Variants in FAM13A observed in about 807,000 individuals in gnomAD.
FAM13A encodes the protein protein FAM13A.
In FAM13A, 76 loss-of-function variants were observed where a neutral mutation model predicts 129.6. That is an observed-to-expected ratio of 0.59 (90% confidence interval 0.49 to 0.71). The LOEUF (loss-of-function observed/expected upper bound fraction) is 0.71. FAM13A is among the 30% of genes least tolerant of loss of function. FAM13A has a pLI of 0.00. For synonymous variants in FAM13A, 443 were observed against 449.9 expected, an observed-to-expected ratio of 0.98 and a Z score of 0.20; for missense variants, 1,108 against 1,249.3, an observed-to-expected ratio of 0.89 and a Z score of 1.70.
intron 3 of FAM13A, among the ~76,000 whole-genome samples, chr4:89,008,454 C>T (rs1419602828): frequency 6.6e-6 from 1 of 152,160 alleles, no homozygotes; most frequent in East Asian, 1.9e-4. Context: ...TCACCAGAAA[C>T]TACTTCCAGC....
intron 4 of FAM13A, among the ~76,000 whole-genome samples, chr4:88,978,156 T>A (rs2148975165): frequency 6.6e-6 from 1 of 152,358 alleles, no homozygotes; most frequent in African/African-American, 2.4e-5. Flanking sequence ...TTGGGCTTTT[T>A]CTCTCTAAAA....
intron 5 of FAM13A, among the ~76,000 whole-genome samples, chr4:88,923,937 T>C (rs1322446213): frequency 6.6e-6 from 1 of 152,066 alleles, no homozygotes; most frequent in African/African-American, 2.4e-5. Context: ...AAATCATGAG[T>C]GAACTCCCAT....
At chr4:89,021,362 C>A (rs1767230597) in intron 2 of FAM13A, among the ~76,000 whole-genome samples, 1 of 152,210 alleles carries the variant, frequency 6.6e-6, no homozygotes, top group South Asian at 2.1e-4. Flanking sequence ...GGGCCCTTTA[C>A]AAGCTCTGTC....
intron 19 of FAM13A, among the ~76,000 whole-genome samples, chr4:88,745,902 CA>C (rs1741226897): frequency 6.6e-6 from 1 of 151,404 alleles, no homozygotes; most frequent in Non-Finnish European, 1.5e-5. Flanking sequence ...ATTAAAATGC[CA>C]CCAAGGAGAC....
At chr4:88,928,027 G>A (rs1579321881) in intron 5 of FAM13A, among the ~76,000 whole-genome samples, 1 of 151,866 alleles carries the variant, frequency 6.6e-6, no homozygotes, top group African/African-American at 2.4e-5. Context: ...CCTGTGTATG[G>A]TGTGTTTTCA....
chr4:88,825,228 G>C (rs34877151), intron 7 of FAM13A, among the ~76,000 whole-genome samples: 2 of 145,692 alleles, frequency 1.4e-5, no homozygotes, highest in East Asian at 2.0e-4. Flanking sequence ...TTTTTTTTTT[G>C]GGGGGGGGAT....
At chr4:88,896,024 T>C (rs1236456013) in intron 6 of FAM13A, among the ~76,000 whole-genome samples, 3 of 147,358 alleles carry the variant, frequency 2.0e-5, no homozygotes, top group African/African-American at 7.5e-5. Flanking sequence ...CCAACCCAAA[T>C]GTCCAACAAT....
intron 11 of FAM13A, among the ~76,000 whole-genome samples, chr4:88,780,305 A>T (rs1195175720): frequency 6.6e-6 from 1 of 152,192 alleles, no homozygotes; most frequent in Non-Finnish European, 1.5e-5. Context: ...ATTTTATTGA[A>T]TGTATGGAAA....
chr4:88,970,213 A>C, intron 4 of FAM13A, among the ~76,000 whole-genome samples: 1 of 152,250 alleles, frequency 6.6e-6, no homozygotes, highest in African/African-American at 2.4e-5. Flanking sequence ...ATGAAAAGAC[A>C]TAAAACTTAA....
At chr4:88,884,668 G>C (rs1277228788) in intron 6 of FAM13A, among the ~76,000 whole-genome samples, 1 of 152,112 alleles carries the variant, frequency 6.6e-6, no homozygotes, top group East Asian at 1.9e-4. Flanking sequence ...ACAAGAGAAA[G>C]AAAGAAAGCG....
intron 11 of FAM13A, among the ~76,000 whole-genome samples, chr4:88,773,528 T>C (rs1172973743): frequency 6.6e-6 from 1 of 152,200 alleles, no homozygotes; most frequent in African/African-American, 2.4e-5. Context: ...CTTGCCTCCA[T>C]GTTGCACTGG....
intron 2 of FAM13A, among the ~76,000 whole-genome samples, chr4:89,025,931 A>G (rs1421242551): frequency 3.3e-5 from 5 of 152,230 alleles, no homozygotes; most frequent in Non-Finnish European, 5.9e-5. Context: ...ATACTCTCCT[A>G]TATTTTTAAC....
chr4:88,816,331 G>A (rs1267256771), intron 7 of FAM13A, among the ~76,000 whole-genome samples: 9 of 152,048 alleles, frequency 5.9e-5, no homozygotes, highest in Non-Finnish European at 1.3e-4. Flanking sequence ...AATAACTAAG[G>A]GTGAGTAAAT....
At chr4:88,845,845 TTAGAA>T (rs1230406733) in intron 7 of FAM13A, among the ~76,000 whole-genome samples, 1 of 152,200 alleles carries the variant, frequency 6.6e-6, no homozygotes, top group Non-Finnish European at 1.5e-5. Context: ...GAAAGTACTT[TTAGAA>T]TAGAACAACT....
intron 7 of FAM13A, among the ~76,000 whole-genome samples, chr4:88,847,953 A>C (rs866444239): frequency 1.9e-4 from 23 of 120,952 alleles, no homozygotes; most frequent in African/African-American, 4.6e-4. Context: ...ACTCTGTCCC[A>C]AAAAAAAAAA....
intron 5 of FAM13A, among the ~76,000 whole-genome samples, chr4:88,916,740 T>C (rs1750184254): frequency 1.3e-5 from 2 of 152,212 alleles, no homozygotes; most frequent in African/African-American, 2.4e-5. Context: ...AAATGCTACC[T>C]AGCCTAGGGG....
chr4:88,945,921 T>G (rs1349213741), intron 4 of FAM13A, among the ~76,000 whole-genome samples: 2 of 136,414 alleles, frequency 1.5e-5, no homozygotes, highest in East Asian at 2.0e-4. Context: ...TATATATATA[T>G]AGTATATATT....
chr4:88,998,577 C>T (rs1763855340), intron 3 of FAM13A, among the ~76,000 whole-genome samples: 1 of 152,124 alleles, frequency 6.6e-6, no homozygotes, highest in Non-Finnish European at 1.5e-5. Flanking sequence ...TTGTGAGAAA[C>T]TATAGCTTCG....
chr4:88,749,317 C>T (rs1345315340), intron 16 of FAM13A, among the ~76,000 whole-genome samples: 2 of 152,138 alleles, frequency 1.3e-5, no homozygotes, highest in East Asian at 1.9e-4. Flanking sequence ...TTGTAGGGTT[C>T]AACCTGTAAG....
Sources: gnomAD v4.1 joint callset for allele counts (sites outside exome capture counted in the v4.1 genomes callset) on GRCh38, gnomAD v4.1.1 for gene constraint, MANE v1.5 for transcripts, NCBI Gene and HGNC (gene_info 2026-07-23, HGNC 2026-07-21) for gene names.